PDZRN4: variants seen among roughly 807,000 people sequenced by gnomAD.
PDZRN4 encodes the protein PDZ domain-containing RING finger protein 4.
Under a neutral mutation model 99.0 loss-of-function variants are expected in PDZRN4, and 70 were observed. The observed-to-expected ratio is 0.71, with a 90% confidence interval of 0.58 to 0.86. The LOEUF is 0.86. Among genes scored for constraint, PDZRN4 ranks in the 40% least tolerant of loss-of-function variants. The pLI is 0.00. For synonymous variants in PDZRN4, 551 were observed against 501.6 expected, an observed-to-expected ratio of 1.10 and a Z score of -1.32; for missense variants, 1,474 against 1,331.2, an observed-to-expected ratio of 1.11 and a Z score of -1.67.
chr12:41,304,943 TGACTATTA>T (rs1253649746), intron 3 of PDZRN4, among the ~76,000 whole-genome samples: 3 of 152,184 alleles, frequency 2.0e-5, no homozygotes, highest in Non-Finnish European at 4.4e-5. Context: ...TATGGGAATA[TGACTATTA>T]GGTGGGCTAA....
rs1268969019 is a variant in PDZRN4 at position 41,573,468 on chromosome 12, G to A, written c.2689G>A (p.Gly897Arg). 1.9e-6 allele frequency: 3 copies of A among 1,613,748 alleles called. No individual in the cohort carries two copies. The highest frequency in any genetic ancestry group is 2.5e-6 in the Non-Finnish European group (3 of 1,180,000). ...ATGGAAGGTGAAAATTAGGAGCGACGGGACACGGTACATCACAAAGAGACC... is the reference window on the plus strand; with the variant it reads ...ATGGAAGGTGAAAATTAGGAGCGACAGGACACGGTACATCACAAAGAGACC... Reference protein sequence around the residue: ...MEWKVKIRSDGTRYITKRPVR... With the variant: ...MEWKVKIRSDRTRYITKRPVR... Residue 897 changes from glycine to arginine, a missense_variant, in exon 10 of 10, where the codon GGG (glycine) becomes AGG (arginine). By Grantham distance (125) the Gly-to-Arg change is moderately radical (BLOSUM62 -2). Coordinates refer to ENST00000402685, the MANE Select transcript of PDZRN4 (RefSeq NM_001164595.2).
intron 3 of PDZRN4, among the ~76,000 whole-genome samples, chr12:41,403,735 A>T (rs1952321446): frequency 6.6e-6 from 1 of 152,160 alleles, no homozygotes; most frequent in South Asian, 2.1e-4. Context: ...AGTCTCCTGA[A>T]ATGTTAGGTA....
intron 3 of PDZRN4, among the ~76,000 whole-genome samples, chr12:41,469,291 C>A (rs150786419): frequency 6.6e-6 from 1 of 152,176 alleles, no homozygotes; most frequent in African/African-American, 2.4e-5. Context: ...TACTGTAATT[C>A]GTGAAATAAT....
At chr12:41,552,880 A>G (rs896883686) in intron 6 of PDZRN4, 126 bp downstream of exon 6, 1 of 641,172 alleles carries the variant, frequency 1.6e-6, no homozygotes, top group Non-Finnish European at 2.7e-6. Context: ...GCCATGTTCC[A>G]AAACGTGTCA....
At chr12:41,336,651 C>T (rs937815554) in intron 3 of PDZRN4, among the ~76,000 whole-genome samples, 6 of 151,964 alleles carry the variant, frequency 3.9e-5, no homozygotes, top group Admixed American at 6.6e-5. Context: ...TGTGGGAGAC[C>T]GGAGTTTTAT....
Position 41,555,241 on chromosome 12 carries a change from A to AAAAGAAAAG in PDZRN4, c.1303-454_1303-453insGAAAAGAAA, listed in dbSNP as rs1555152866. ...GCCAGACTCTGTCTCAAAAAAAAAAAAAAAAAAAGAAAAAAAAAAGGACGG... is the reference window on the plus strand; with the variant it reads ...GCCAGACTCTGTCTCAAAAAAAAAAAAAAGAAAAGAAAAAAAAGAAAAAAAAAAGGACGG... On this transcript the variant is annotated intron_variant, in intron 6 of 9. Coordinates refer to ENST00000402685, the MANE Select transcript of PDZRN4 (RefSeq NM_001164595.2). 4.2e-4 allele frequency among the ~76,000 whole-genome samples: 50 copies of AAAAGAAAAG among 119,968 alleles called. 9 individuals carry two copies. Among genetic ancestry groups the AAAAGAAAAG allele is most frequent in the African/African-American group, 1.0e-3 (32 of 31,120 alleles). The allele number at this position is 119,968 out of a possible 152,430, so 78.7% of individuals were successfully genotyped here. A position where few individuals can be genotyped will look rare whatever the true frequency, so the allele number is the denominator to read the frequency against.
At chr12:41,395,629 G>T (rs560033422) in intron 3 of PDZRN4, among the ~76,000 whole-genome samples, 1 of 151,848 alleles carries the variant, frequency 6.6e-6, no homozygotes, top group Non-Finnish European at 1.5e-5. Context: ...TTAAAATTTG[G>T]GTCTTTAGTG....
intron 3 of PDZRN4, among the ~76,000 whole-genome samples, chr12:41,240,316 C>T (rs572126603): frequency 6.6e-6 from 1 of 152,116 alleles, no homozygotes; most frequent in South Asian, 2.1e-4. Context: ...GATTCAATTC[C>T]CATATGTGCA....
intron 3 of PDZRN4, among the ~76,000 whole-genome samples, chr12:41,251,711 A>T (rs1951171389): frequency 6.6e-6 from 1 of 152,144 alleles, no homozygotes; most frequent in African/African-American, 2.4e-5. Context: ...CCAACATCTC[A>T]TTCCCCTCTT....
intron 3 of PDZRN4, among the ~76,000 whole-genome samples, chr12:41,272,896 T>G (rs1233052661): frequency 1.3e-5 from 2 of 151,918 alleles, no homozygotes; most frequent in Non-Finnish European, 2.9e-5. Flanking sequence ...AACAGCAAAA[T>G]AGATGCTGTT....
chr12:41,572,285 G>T, intron 9 of PDZRN4, 79 bp from the exon 10 acceptor site: 1 of 1,269,192 alleles, frequency 7.9e-7, no homozygotes, highest in Non-Finnish European at 1.1e-6. Context: ...GGAAACATTG[G>T]TTTTCAAACA....
intron 4 of PDZRN4, among the ~76,000 whole-genome samples, chr12:41,508,929 T>G (rs1938256064): frequency 6.6e-6 from 1 of 152,148 alleles, no homozygotes; most frequent in South Asian, 2.1e-4. Flanking sequence ...ACTTGTCAAT[T>G]GTATTTAGGC....
At chr12:41,481,206 A>T (rs1937667983) in intron 3 of PDZRN4, among the ~76,000 whole-genome samples, 1 of 152,014 alleles carries the variant, frequency 6.6e-6, no homozygotes, top group Non-Finnish European at 1.5e-5. Context: ...AGTGATAGGA[A>T]CCTATCACCC....
chr12:41,220,286 T>C (rs887410399), intron 3 of PDZRN4, among the ~76,000 whole-genome samples: 3 of 152,144 alleles, frequency 2.0e-5, no homozygotes, highest in African/African-American at 7.2e-5. Flanking sequence ...ACCCTCTTGC[T>C]GTGTCTTCAG....
intron 3 of PDZRN4, among the ~76,000 whole-genome samples, chr12:41,383,449 GTA>G (rs1565567993): frequency 6.6e-6 from 1 of 152,176 alleles, no homozygotes; most frequent in Non-Finnish European, 1.5e-5. Context: ...AAATAAAAAT[GTA>G]TGTTTTAGAA....
At chr12:41,499,263 G>T (rs559930461) in intron 3 of PDZRN4, among the ~76,000 whole-genome samples, 1 of 152,094 alleles carries the variant, frequency 6.6e-6, no homozygotes, top group South Asian at 2.1e-4. Context: ...CAGAGAGCTG[G>T]GTAAAAAGAG....
At chr12:41,546,412 C>T (rs1021300190) in intron 5 of PDZRN4, among the ~76,000 whole-genome samples, 1 of 151,980 alleles carries the variant, frequency 6.6e-6, no homozygotes, top group Non-Finnish European at 1.5e-5. Context: ...TCAAAATACT[C>T]GTATAGCTTT....
chr12:41,504,935 C>T lies in PDZRN4; in HGVS notation c.844-1521C>T, dbSNP rs10880084. 8.8e-3 allele frequency among the ~76,000 whole-genome samples: 1,346 copies of T among 152,226 alleles called. 54 individuals carry two copies. The East Asian group carries it at 0.14, about 15-fold the overall frequency. On this transcript the variant is annotated intron_variant, in intron 3 of 9. Coordinates refer to ENST00000402685, the MANE Select transcript of PDZRN4 (RefSeq NM_001164595.2). Reference sequence around the variant, plus strand: ...GGGACATATTTTGCTGGTGAAGAAGCTTAATTGCTCATTTTTTGAAGGCAC... The same window carrying T: ...GGGACATATTTTGCTGGTGAAGAAGTTTAATTGCTCATTTTTTGAAGGCAC...
intron 3 of PDZRN4, among the ~76,000 whole-genome samples, chr12:41,346,936 CATA>C (rs1448192352): frequency 6.6e-6 from 1 of 152,118 alleles, no homozygotes; most frequent in Admixed American, 6.6e-5. Context: ...TTTCACTTAG[CATA>C]ATGTTTTAAA....
Sources: allele counts gnomAD v4.1 joint callset (sites outside exome capture counted in the v4.1 genomes callset), GRCh38; gene constraint gnomAD v4.1.1; transcripts MANE v1.5; gene names NCBI Gene and HGNC (gene_info 2026-07-23, HGNC 2026-07-21).